Variants in WAPL observed in about 807,000 individuals in gnomAD.
WAPL encodes WAPL cohesin release factor.
A neutral mutation model predicts 121.0 loss-of-function variants in WAPL; 5 were observed. The ratio of observed to expected loss-of-function variants is 0.04; its 90% CI spans 0.02 to 0.09. The LOEUF is 0.09. WAPL is among the 10% of genes least tolerant of loss of function. The pLI is 1.00. For missense variants in WAPL, 999 were observed against 1,410.8 expected (o/e 0.71, Z 4.68); for synonymous variants, 480 against 481.5 (o/e 1.00, Z 0.04).
chr10:86,501,467 G>A (rs1353838301), intron 2 of WAPL, among the ~76,000 whole-genome samples: 1 of 152,134 alleles, frequency 6.6e-6, no homozygotes, highest in East Asian at 1.9e-4. Flanking sequence ...ATACAAATAT[G>A]ATTCCAACTG....
chr10:86,457,545 C>A (rs757717049), intron 12 of WAPL, among the ~76,000 whole-genome samples: 7 of 151,406 alleles, frequency 4.6e-5, no homozygotes, highest in Non-Finnish European at 1.0e-4. Context: ...CCCAGCTATT[C>A]GGAAGGCTGA....
At chr10:86,497,463 C>T (rs1050529924) in intron 3 of WAPL, 144 bp from the exon 4 acceptor site, 29 of 645,656 alleles carry the variant, frequency 4.5e-5, no homozygotes, top group South Asian at 4.5e-4. Flanking sequence ...TGACAAAATA[C>T]TCCCTAGAAT....
intron 4 of WAPL, among the ~76,000 whole-genome samples, chr10:86,475,584 G>C (rs1841631723): frequency 6.6e-6 from 1 of 152,192 alleles, no homozygotes; most frequent in African/African-American, 2.4e-5. Flanking sequence ...ATAAATGCCA[G>C]GTTTGCATAA....
At chr10:86,512,538 G>T (rs1040585843) in intron 2 of WAPL, among the ~76,000 whole-genome samples, 1 of 152,160 alleles carries the variant, frequency 6.6e-6, no homozygotes, top group African/African-American at 2.4e-5. Context: ...TACTACCGAC[G>T]GCATTGATTC....
Position 86,453,306 on chromosome 10 carries a change from C to A in WAPL, c.2863G>T (p.Asp955Tyr). 6.2e-7 allele frequency: 1 copy of A among 1,614,118 alleles called. No homozygotes were observed. The highest frequency in any genetic ancestry group is 8.5e-7 in the Non-Finnish European group (1 of 1,180,016). The stretch of plus-strand genomic sequence containing the variant: ...TTCAGCGCTGTGCCTATGAGACCGT[C>A]CTGCTCTCCTGTTTTGGTGCTGCCC... ...EWGSTKTGEQDGLIGTALNCV... is the reference protein window; with the variant it reads ...EWGSTKTGEQYGLIGTALNCV... Residue 955 changes from aspartate (D) to tyrosine (Y), a missense_variant, in exon 14 of 19, where the codon GAC (aspartate) becomes TAC (tyrosine). By Grantham distance (160) the Asp-to-Tyr change is radical (BLOSUM62 -3). This residue lies in a region of WAPL where 85 missense variants were observed against 133.5 expected (regional missense o/e 0.64). Transcript: ENST00000298767.
In WAPL at chr10:86,472,236, T is replaced by G; in HGVS notation, c.2002A>C (p.Thr668Pro). The G allele has an allele frequency of 6.3e-7, 1 of 1,584,096 alleles. No individual in the cohort carries two copies. Among genetic ancestry groups the G allele is most frequent in the Non-Finnish European group, 8.5e-7 (1 of 1,172,390 alleles). The stretch of plus-strand genomic sequence containing the variant: ...AGGCAACGTGTGTTTAGAGGCTGAG[T>G]GCTCTTTAAGCCACTTAACAAGTAC... ...IEYLLSGLKS[T>P]QPLNTRCLSV... The change falls in exon 7 of 19, where the codon ACT (threonine) becomes CCT (proline). Residue 668 changes from threonine (T) to proline (P), a missense_variant. Thr to Pro is a conservative substitution (Grantham distance 38, BLOSUM62 -1). This residue lies in a region of WAPL where 118 missense variants were observed against 318.3 expected (regional missense o/e 0.37). Coordinates refer to ENST00000298767, the MANE Select transcript of WAPL (RefSeq NM_015045.5). This position sits in a 1 kb window ranked among gnomAD's most constrained non-coding sequence, Gnocchi z 4.2.
intron 12 of WAPL, among the ~76,000 whole-genome samples, chr10:86,455,866 G>T (rs932145929): frequency 2.6e-5 from 4 of 152,052 alleles, no homozygotes; most frequent in Non-Finnish European, 5.9e-5. Flanking sequence ...AAAAGAAGGC[G>T]ATATTACTGC....
rs35725128 is a variant in WAPL at position 86,483,794 on chromosome 10, CTTTTTT to C, written c.1645-9827_1645-9822del. Among the ~76,000 whole-genome samples, 37 of 69,216 alleles carry C rather than the reference CTTTTTT, an allele frequency of 5.3e-4. No individual in the cohort carries two copies. The East Asian group carries it at 0.012, about 23-fold the overall frequency. 45.4% of individuals were successfully genotyped at this position (69,216 alleles called of 152,430 possible). Reference sequence around the variant, plus strand: ...CAAAAAAAAAAAAAAATTTTTTTTTCTTTTTTTTTTTTTTTTTTTTTTGGCAGTCTC... The same window carrying C: ...CAAAAAAAAAAAAAAATTTTTTTTTCTTTTTTTTTTTTTTTTGGCAGTCTC... On this transcript the variant is annotated intron_variant, in intron 4 of 18. Coordinates refer to ENST00000298767, the MANE Select transcript of WAPL (RefSeq NM_015045.5).
intron 17 of WAPL, among the ~76,000 whole-genome samples, chr10:86,438,922 A>G (rs553380794): frequency 6.6e-6 from 1 of 152,312 alleles, no homozygotes; most frequent in East Asian, 1.9e-4. Context: ...TGCTTAAAAA[A>G]CTATTTCATT....
intron 2 of WAPL, among the ~76,000 whole-genome samples, chr10:86,507,095 T>C: frequency 6.9e-6 from 1 of 145,608 alleles, no homozygotes; most frequent in Non-Finnish European, 1.5e-5. Flanking sequence ...TGGCCGGGCA[T>C]GGTGGCTCAC....
intron 9 of WAPL, among the ~76,000 whole-genome samples, chr10:86,464,049 A>ATGAC (rs1397481793): frequency 6.6e-6 from 1 of 152,248 alleles, no homozygotes; most frequent in African/African-American, 2.4e-5. Context: ...GAAGCAAAGC[A>ATGAC]TGACTATATT....
At position 86,500,725 on chromosome 10, in the gene WAPL, T is replaced by C. The variant is rs375087066; in HGVS notation, c.518A>G (p.His173Arg). The change falls in exon 3 of 19, where the codon CAT (histidine) becomes CGT (arginine). Residue 173 changes from histidine (H) to arginine (R), a missense_variant. Physicochemically the swap from His to Arg is conservative, Grantham distance 29 (BLOSUM62 0). Coordinates refer to ENST00000298767, the MANE Select transcript of WAPL (RefSeq NM_015045.5). Reference protein sequence around the residue: ...LITSDKVENFHEEHEKNSHHI... With the variant: ...LITSDKVENFREEHEKNSHHI... Reference sequence around the variant, plus strand: ...GTGACTATTCTTTTCATGTTCTTCATGAAAATTCTCCACTTTATCTGTAAA... The same window carrying C: ...GTGACTATTCTTTTCATGTTCTTCACGAAAATTCTCCACTTTATCTGTAAA... The C allele has an allele frequency of 1.9e-6, 3 of 1,564,720 alleles. No individual in the cohort carries two copies. The highest frequency in any genetic ancestry group is 2.6e-6 in the Non-Finnish European group (3 of 1,161,840).
intron 4 of WAPL, among the ~76,000 whole-genome samples, chr10:86,481,511 T>C (rs1841785867): frequency 6.6e-6 from 1 of 152,082 alleles, no homozygotes; most frequent in South Asian, 2.1e-4. Context: ...GTAGCTGGGA[T>C]TACAGGCATG....
At chr10:86,452,165 G>A (rs966003158) in intron 14 of WAPL, 34 bp from the exon 15 acceptor site, 1 of 1,594,460 alleles carries the variant, frequency 6.3e-7, no homozygotes, top group Non-Finnish European at 8.6e-7. Context: ...TATTATCAGA[G>A]ATGAGTACTT....
At chr10:86,443,582 G>A (rs1411533538) in intron 16 of WAPL, 7 of 470,004 alleles carry the variant, frequency 1.5e-5, no homozygotes, top group Non-Finnish European at 2.7e-5. Flanking sequence ...AAATTTTTGT[G>A]TTGCAAAGGA....
intron 1 of WAPL, 80 bp from the exon 2 acceptor site, chr10:86,518,171 A>C: frequency 7.3e-7 from 1 of 1,367,708 alleles, no homozygotes; most frequent in Non-Finnish European, 9.7e-7. Context: ...AAACCTAGGG[A>C]TTCTTCCCTC....
chr10:86,459,870 T>C (rs888578778), intron 11 of WAPL, among the ~76,000 whole-genome samples: 11 of 152,308 alleles, frequency 7.2e-5, no homozygotes, highest in East Asian at 5.8e-4. Flanking sequence ...TCCCAATACT[T>C]TGGGAGGCTG....
intron 7 of WAPL, among the ~76,000 whole-genome samples, chr10:86,471,767 C>G (rs1213114319): frequency 6.6e-6 from 1 of 152,092 alleles, no homozygotes; most frequent in Non-Finnish European, 1.5e-5. Flanking sequence ...TCCCAAGTAG[C>G]TGGAACTACA....
chr10:86,472,626 G>C lies in WAPL; in HGVS notation c.1879C>G (p.Arg627Gly). 1 of 1,613,402 alleles carries C rather than the reference G, an allele frequency of 6.2e-7. No individual in the cohort carries two copies. The highest frequency in any genetic ancestry group is 1.1e-5 in the South Asian group (1 of 91,006). Residue 627 changes from arginine (R) to glycine (G), a missense_variant, in exon 6 of 19, where the codon CGA becomes GGA. This residue lies in a region of WAPL where 74 missense variants were observed against 115.1 expected (regional missense o/e 0.64). Transcript: ENST00000298767. The surrounding 1 kb of genome is among the most constrained non-coding windows in gnomAD (Gnocchi z 4.2). The stretch of plus-strand genomic sequence containing the variant: ...TGGCTGCTTACTTCTTTGTCTTCTC[G>C]TCTGCATTTCAGTGCAGTAACTATA... Reference protein sequence around the residue: ...QDIVTALKCRREDKELYTVVQ... With the variant: ...QDIVTALKCRGEDKELYTVVQ...
Sources: allele counts gnomAD v4.1 joint callset (sites outside exome capture counted in the v4.1 genomes callset), GRCh38; gene constraint gnomAD v4.1.1; regional missense constraint gnomAD v4.1.1; non-coding constraint Gnocchi (gnomAD v3.1); transcripts MANE v1.5; gene names NCBI Gene and HGNC (gene_info 2026-07-23, HGNC 2026-07-21).